MICOS10: variants seen among roughly 807,000 people sequenced by gnomAD.
The protein encoded by MICOS10 is mitochondrial contact site and cristae organizing system subunit 10, also known as MICOS complex subunit MIC10.
MICOS10 carries 5 observed loss-of-function variants against 13.4 expected under a neutral mutation model. The observed-to-expected ratio is 0.37, with a 90% CI of 0.20 to 0.78. The LOEUF (loss-of-function observed/expected upper bound fraction) is 0.78, where lower values mean the gene tolerates loss of function less well. Among genes scored for constraint, MICOS10 ranks in the 30% least tolerant of loss-of-function variants. MICOS10 has a pLI of 0.47. For synonymous variants in MICOS10, 35 were observed against 33.6 expected (o/e 1.04, Z -0.15); for missense variants, 101 against 94.6 (o/e 1.07, Z -0.28).
At chr1:19,610,996 G>A (rs1248950918) in intron 1 of MICOS10, among the ~76,000 whole-genome samples, 2 of 151,474 alleles carry the variant, frequency 1.3e-5, no homozygotes, top group Non-Finnish European at 2.9e-5. Context: ...CAGGCTGGAA[G>A]GCTGGAGTGC....
chr1:19,615,911 A>ATT (rs533800704), intron 1 of MICOS10, among the ~76,000 whole-genome samples: 7 of 148,462 alleles, frequency 4.7e-5, no homozygotes, highest in African/African-American at 1.5e-4. Flanking sequence ...TCTCCATTGA[A>ATT]TTTTTTTTTT....
intron 1 of MICOS10, among the ~76,000 whole-genome samples, chr1:19,621,526 TC>T (rs2094903396): frequency 6.6e-6 from 1 of 152,182 alleles, no homozygotes; most frequent in South Asian, 2.1e-4. Flanking sequence ...AGATGACTGT[TC>T]CGCAACTAAC....
At chr1:19,610,493 C>G (rs959260638) in intron 1 of MICOS10, among the ~76,000 whole-genome samples, 1 of 148,188 alleles carries the variant, frequency 6.7e-6, no homozygotes, top group Non-Finnish European at 1.5e-5. Context: ...ATCTTGCTGC[C>G]TCAGCCTCCT....
At chr1:19,604,442 CA>C (rs2094827334) in intron 1 of MICOS10, among the ~76,000 whole-genome samples, 1 of 152,068 alleles carries the variant, frequency 6.6e-6, no homozygotes, top group Non-Finnish European at 1.5e-5. Flanking sequence ...CCGGGAGTAG[CA>C]AGTTGCAGTG....
chr1:19,609,665 ATTG>A (rs1343287236), intron 1 of MICOS10, among the ~76,000 whole-genome samples: 1 of 152,260 alleles, frequency 6.6e-6, no homozygotes, highest in Admixed American at 6.5e-5. Context: ...GAAACCAACT[ATTG>A]TTATATAAAA....
At chr1:19,625,293 A>G in intron 3 of MICOS10, 1 of 1,169,714 alleles carries the variant, frequency 8.5e-7, no homozygotes, top group Non-Finnish European at 1.1e-6. Context: ...AAAATGTGGT[A>G]CAAATGCATG....
chr1:19,609,277 G>A (rs553947567), intron 1 of MICOS10, among the ~76,000 whole-genome samples: 8 of 152,092 alleles, frequency 5.3e-5, no homozygotes, highest in South Asian at 4.1e-4. Flanking sequence ...AGGGAAAAGC[G>A]AATTAAAATC....
chr1:19,626,583 G>T lies in MICOS10; in HGVS notation c.*182G>T, dbSNP rs925009840. 4.5e-6 allele frequency: 3 copies of T among 669,596 alleles called. No homozygotes were observed. The African/African-American group carries it at 5.4e-5, about 12-fold the overall frequency. 41.5% of individuals were successfully genotyped at this position (669,596 alleles called of 1,614,324 possible). On this transcript the variant is annotated 3_prime_UTR_variant, in exon 4 of 4. Transcript: ENST00000322753. Reference sequence around the variant, plus strand: ...GTTTCTTGTTTTGTATTTTCTCTCTGGAAGTTGTAAGGAGGTGGTCTTAAA... The same window carrying T: ...GTTTCTTGTTTTGTATTTTCTCTCTTGAAGTTGTAAGGAGGTGGTCTTAAA...
chr1:19,625,652 T>A, intron 3 of MICOS10: 1 of 1,281,304 alleles, frequency 7.8e-7, no homozygotes, highest in Non-Finnish European at 1.0e-6. Flanking sequence ...TTAAAACATT[T>A]CCATTGTTCC....
At chr1:19,602,970 A>T (rs576826059) in intron 1 of MICOS10, among the ~76,000 whole-genome samples, 1 of 152,240 alleles carries the variant, frequency 6.6e-6, no homozygotes, top group Non-Finnish European at 1.5e-5. Flanking sequence ...AGATGAGAAA[A>T]GTCATAGACT....
chr1:19,598,547 C>T (rs960604546), intron 1 of MICOS10, among the ~76,000 whole-genome samples: 5 of 150,294 alleles, frequency 3.3e-5, no homozygotes, highest in East Asian at 2.0e-4. Context: ...GAGGCCGAGG[C>T]GGGAGGATCG....
At chr1:19,611,987 A>AAT (rs1558342500) in intron 1 of MICOS10, among the ~76,000 whole-genome samples, 1 of 147,748 alleles carries the variant, frequency 6.8e-6, no homozygotes, top group Non-Finnish European at 1.5e-5. Flanking sequence ...AAAAAAAAAG[A>AAT]TTTTTTTTTC....
chr1:19,598,880 T>A (rs377520698), intron 1 of MICOS10, among the ~76,000 whole-genome samples: 83 of 152,238 alleles, frequency 5.5e-4, no homozygotes, highest in African/African-American at 1.8e-3. Flanking sequence ...GCTTTTAAAA[T>A]TTTTTAATGT....
At chr1:19,624,155 A>G (rs1013115085) in intron 3 of MICOS10, among the ~76,000 whole-genome samples, 2 of 151,412 alleles carry the variant, frequency 1.3e-5, no homozygotes, top group South Asian at 4.2e-4. Flanking sequence ...TGATTTTTGT[A>G]TTTTAGTAGA....
At position 19,622,143 on chromosome 1, in the gene MICOS10, T is replaced by C. The variant is rs774444573; in HGVS notation, c.108T>C (p.Phe36=). ...GAATTGTTTTCTCACTTACCTTCTTTAAAAGTAAGTGTCACTCTGTCTTTT... is the reference window on the plus strand; with the variant it reads ...GAATTGTTTTCTCACTTACCTTCTTCAAAAGTAAGTGTCACTCTGTCTTTT... The part of the protein sequence containing the change: ...GLGIVFSLTF[F]KRRMWPLAFG... Residue 36 remains phenylalanine, a synonymous_variant, in exon 2 of 4, where the codon TTT becomes TTC. Transcript: ENST00000322753. 9 of 1,609,184 alleles carry C rather than the reference T, an allele frequency of 5.6e-6. No individual in the cohort carries two copies. The South Asian group carries it at 8.8e-5, about 16-fold the overall frequency.
At chr1:19,617,185 G>C (rs2094887331) in intron 1 of MICOS10, 1 of 714,274 alleles carries the variant, frequency 1.4e-6, no homozygotes, top group Non-Finnish European at 1.7e-6. Flanking sequence ...GAGCACACCA[G>C]TAATGACTCC....
At position 19,626,783 on chromosome 1, in the gene MICOS10, C is replaced by G; in HGVS notation, c.*382C>G. 1 of 215,694 alleles carries G rather than the reference C, an allele frequency of 4.6e-6. No homozygotes were observed. The highest frequency in any genetic ancestry group is 9.6e-6 in the Non-Finnish European group (1 of 104,630). 13.4% of individuals were successfully genotyped at this position (215,694 alleles called of 1,614,324 possible). A position where few individuals can be genotyped will look rare whatever the true frequency, so the allele number is the denominator to read the frequency against. On this transcript the variant is annotated 3_prime_UTR_variant, in exon 4 of 4. Coordinates refer to ENST00000322753, the MANE Select transcript of MICOS10 (RefSeq NM_001032363.4). Reference sequence around the variant, plus strand: ...TATCCTTCCCATTTGCCCCCTCAGGCGTAGTTTTCAGAACTGCTTCCACCT... The same window carrying G: ...TATCCTTCCCATTTGCCCCCTCAGGGGTAGTTTTCAGAACTGCTTCCACCT...
Position 19,608,264 on chromosome 1 carries a change from C to G in MICOS10, c.64+11155C>G, listed in dbSNP as rs781061053. 3.6e-6 allele frequency: 5 copies of G among 1,370,194 alleles called. No homozygotes were observed. In the South Asian group the frequency reaches 4.6e-5, roughly 13 times the overall value. The allele number at this position is 1,370,194 out of a possible 1,614,324, so 84.9% of individuals were successfully genotyped here. A position where few individuals can be genotyped will look rare whatever the true frequency, so the allele number is the denominator to read the frequency against. ...CCATGTCACGGATCTTTCTGGCAAA[C>G]AAACCATCTGCCGTGTGACTGGTGG... On this transcript the variant is annotated intron_variant, in intron 1 of 3. Transcript: ENST00000322753.
In MICOS10 at chr1:19,626,525, C is replaced by T. The variant is rs747349559; in HGVS notation, c.*124C>T. On this transcript the variant is annotated 3_prime_UTR_variant, in exon 4 of 4. Coordinates refer to ENST00000322753, the MANE Select transcript of MICOS10 (RefSeq NM_001032363.4). The stretch of plus-strand genomic sequence containing the variant: ...AATGTTATCAGTAATGCTTTAAACT[C>T]CAGCACCTGGTTATGCATTTGAAAC... 79 of 1,020,114 alleles carry T rather than the reference C, an allele frequency of 7.7e-5. No homozygotes were observed. Among genetic ancestry groups the T allele is most frequent in the East Asian group, 1.0e-4 (4 of 39,292 alleles). The allele number at this position is 1,020,114 out of a possible 1,614,324, so 63.2% of individuals were successfully genotyped here. A position where few individuals can be genotyped will look rare whatever the true frequency, so the allele number is the denominator to read the frequency against.
Sources: gnomAD v4.1 joint callset for allele counts (sites outside exome capture counted in the v4.1 genomes callset) on GRCh38, gnomAD v4.1.1 for gene constraint, MANE v1.5 for transcripts, NCBI Gene and HGNC (gene_info 2026-07-23, HGNC 2026-07-21) for gene names.